The following CLEC2L variants were observed in gnomAD, a reference collection of about 807,000 sequenced individuals.
CLEC2L encodes C-type lectin domain family 2 member L.
Under a neutral mutation model 23.6 loss-of-function variants are expected in CLEC2L, and 14 were observed. That is an observed-to-expected ratio of 0.59 (90% CI 0.39 to 0.93). The LOEUF is 0.93. Ranked by LOEUF, CLEC2L falls within the 40% of genes least tolerant of loss-of-function variation. The pLI, the probability that CLEC2L is intolerant of heterozygous loss-of-function variation, is 0.00. For missense variants in CLEC2L, 264 were observed against 282.4 expected, an observed-to-expected ratio of 0.93 and a Z score of 0.47; for synonymous variants, 114 against 121.3, an observed-to-expected ratio of 0.94 and a Z score of 0.40.
At chr7:139,538,038 A>T (rs568335030) in intron 2 of CLEC2L, among the ~76,000 whole-genome samples, 1 of 152,220 alleles carries the variant, frequency 6.6e-6, no homozygotes, top group Non-Finnish European at 1.5e-5. Context: ...CCAGAGGTGG[A>T]ATCCACAAAA....
chr7:139,542,095 C>T lies in CLEC2L; in HGVS notation c.507C>T (p.Val169=), dbSNP rs1187233767. Residue 169 remains valine (V), a synonymous_variant, in exon 4 of 5, where the codon GTC becomes GTT. Coordinates refer to ENST00000422142, the MANE Select transcript of CLEC2L (RefSeq NM_001080511.4). ...GAGTTGGGGACGAATTCCACTGGGT[C>T]AACGGGGACCCGTTTGATCCGGACA... ...LRRVGDEFHW[V]NGDPFDPDTF... is the part of the protein sequence containing the mutation. 6.2e-7 allele frequency: 1 copy of T among 1,612,246 alleles called. No individual in the cohort carries two copies. The highest frequency in any genetic ancestry group is 8.5e-7 in the Non-Finnish European group (1 of 1,179,182).
Position 139,539,005 on chromosome 7 carries a change from A to G in CLEC2L, c.266-1316A>G, listed in dbSNP as rs967141397. 6.6e-6 allele frequency: 1 copy of G among 152,222 alleles called. No homozygotes were observed. Among genetic ancestry groups the G allele is most frequent in the Non-Finnish European group, 1.5e-5 (1 of 68,038 alleles). The allele number at this position is 152,222 out of a possible 1,614,324, so 9.4% of individuals were successfully genotyped here. ...GGTCAGTACTCCCAGGTGGACTTGC[A>G]TCTCATTGAACAGATATATATGCCA... On this transcript the variant is annotated intron_variant, in intron 2 of 4. Transcript: ENST00000422142. This position sits in a 1 kb window ranked among gnomAD's most constrained non-coding sequence, Gnocchi z 4.1.
At chr7:139,533,817 TAC>T (rs773776334) in intron 1 of CLEC2L, among the ~76,000 whole-genome samples, 2 of 152,246 alleles carry the variant, frequency 1.3e-5, no homozygotes, top group African/African-American at 2.4e-5. Flanking sequence ...GGGTAATTGC[TAC>T]AGATTCTTCC....
At chr7:139,537,991 G>A (rs879904445) in intron 2 of CLEC2L, among the ~76,000 whole-genome samples, 5 of 152,222 alleles carry the variant, frequency 3.3e-5, no homozygotes, top group African/African-American at 1.2e-4. Context: ...AATGATTTTA[G>A]TGCCTCTGTC....
At chr7:139,537,209 A>G (rs1797671873) in intron 2 of CLEC2L, among the ~76,000 whole-genome samples, 1 of 152,184 alleles carries the variant, frequency 6.6e-6, no homozygotes, top group South Asian at 2.1e-4. Context: ...TCCAGAGATT[A>G]GGAGGTAGAG....
chr7:139,524,834 G>A (rs1024938928), intron 1 of CLEC2L, among the ~76,000 whole-genome samples: 1 of 152,180 alleles, frequency 6.6e-6, no homozygotes, highest in East Asian at 1.9e-4. Context: ...GCTTCTCAGG[G>A]TGCTCCTGGC....
intron 1 of CLEC2L, among the ~76,000 whole-genome samples, chr7:139,534,815 T>C (rs1473938650): frequency 6.6e-6 from 1 of 152,070 alleles, no homozygotes; most frequent in Non-Finnish European, 1.5e-5. Context: ...CCTCAATTAA[T>C]GTTGGTTCCA....
At chr7:139,534,100 A>T (rs1797618739) in intron 1 of CLEC2L, 4 of 608,010 alleles carry the variant, frequency 6.6e-6, no homozygotes, top group Non-Finnish European at 1.2e-5. Flanking sequence ...TGGTGAGAGG[A>T]TGTGGAGAAA....
chr7:139,541,762 C>G (rs910594296), intron 3 of CLEC2L, among the ~76,000 whole-genome samples: 2 of 152,226 alleles, frequency 1.3e-5, no homozygotes, highest in Non-Finnish European at 2.9e-5. Context: ...CATGCACACA[C>G]AGCCAGGGTC....
Position 139,542,135 on chromosome 7 carries a change from T to C in CLEC2L, c.533+14T>C. The C allele has an allele frequency of 6.3e-7, 1 of 1,583,038 alleles. No individual in the cohort carries two copies. Among genetic ancestry groups the C allele is most frequent in the South Asian group, 1.1e-5 (1 of 87,778 alleles). On this transcript the variant is annotated intron_variant, in intron 4 of 4. Coordinates refer to ENST00000422142, the MANE Select transcript of CLEC2L (RefSeq NM_001080511.4). The stretch of plus-strand genomic sequence containing the variant: ...TGATCCGGACACGTGAGCTGAGGCT[T>C]CATCTTCTGGCTACCGAGCTTAGAC...
intron 1 of CLEC2L, among the ~76,000 whole-genome samples, chr7:139,524,763 G>A (rs1397362660): frequency 3.3e-5 from 5 of 152,170 alleles, no homozygotes; most frequent in South Asian, 2.1e-4. Context: ...ATTAGCTACC[G>A]CCGGCGGCGT....
At chr7:139,524,322 C>G (rs988217285) in intron 1 of CLEC2L, among the ~76,000 whole-genome samples, 1 of 152,168 alleles carries the variant, frequency 6.6e-6, no homozygotes, top group African/African-American at 2.4e-5. Flanking sequence ...GGGGCCACCG[C>G]GAGTCACAGC....
intron 2 of CLEC2L, 101 bp downstream of exon 2, chr7:139,536,449 C>A: frequency 1.0e-6 from 1 of 980,052 alleles, no homozygotes; most frequent in South Asian, 1.5e-5. Flanking sequence ...TCCAAGAATC[C>A]TGTGGGGGAC....
Position 139,540,311 on chromosome 7 carries a change from T to C in CLEC2L, c.266-10T>C. On this transcript the variant is annotated splice_polypyrimidine_tract_variant and intron_variant, in intron 2 of 4. Coordinates refer to ENST00000422142, the MANE Select transcript of CLEC2L (RefSeq NM_001080511.4). This position sits in a 1 kb window ranked among gnomAD's most constrained non-coding sequence, Gnocchi z 5.8. ...GGGCGGGCAGGGCCGAGCTGGTCTC[T>C]TCCCTGCAGCTTCCAAGGGCTGCAT... 3.7e-6 allele frequency: 6 copies of C among 1,602,050 alleles called. No individual in the cohort carries two copies. The highest frequency in any genetic ancestry group is 5.1e-6 in the Non-Finnish European group (6 of 1,174,736).
At chr7:139,531,900 A>G (rs1243138284) in intron 1 of CLEC2L, among the ~76,000 whole-genome samples, 3 of 150,586 alleles carry the variant, frequency 2.0e-5, no homozygotes, top group African/African-American at 4.9e-5. Flanking sequence ...ACAGAGCAAG[A>G]CTCTGTCTCA....
In CLEC2L at chr7:139,540,329, G is replaced by A. The variant is rs2116325111; in HGVS notation, c.274G>A (p.Gly92Ser). The change falls in exon 3 of 5, where the codon GGC becomes AGC. Residue 92 changes from glycine (G) to serine (S), a missense_variant. Coordinates refer to ENST00000422142, the MANE Select transcript of CLEC2L (RefSeq NM_001080511.4). The surrounding 1 kb of genome is among the most constrained non-coding windows in gnomAD (Gnocchi z 5.8). ...TGGTCTCTTCCCTGCAGCTTCCAAG[G>A]GCTGCATCAAGTGCGAAGCGCCCTG... ...LVVMSILASK[G>S]CIKCEAPCPE... 6.2e-7 allele frequency: 1 copy of A among 1,609,526 alleles called. No homozygotes were observed. Among genetic ancestry groups the A allele is most frequent in the East Asian group, 2.2e-5 (1 of 44,790 alleles).
rs1180916537 is a variant in CLEC2L, at chr7:139,539,645, G to GGCTGGAGA, written c.266-674_266-673insTGGAGAGC. On this transcript the variant is annotated intron_variant, in intron 2 of 4. Coordinates refer to ENST00000422142, the MANE Select transcript of CLEC2L (RefSeq NM_001080511.4). This position sits in a 1 kb window ranked among gnomAD's most constrained non-coding sequence, Gnocchi z 4.1. ...TAACATGGGGACATTGCAGCGAGCA[G>GGCTGGAGA]GCAGGATGGAGAGCAACCCTTGTCA... The GGCTGGAGA allele has an allele frequency of 1.3e-5, 2 of 152,852 alleles. No homozygotes were observed. Among genetic ancestry groups the GGCTGGAGA allele is most frequent in the Non-Finnish European group, 2.9e-5 (2 of 68,554 alleles). 9.5% of individuals were successfully genotyped at this position (152,852 alleles called of 1,614,324 possible).
intron 1 of CLEC2L, among the ~76,000 whole-genome samples, chr7:139,532,776 G>A (rs1797598666): frequency 6.6e-6 from 1 of 152,178 alleles, no homozygotes; most frequent in African/African-American, 2.4e-5. Flanking sequence ...CAGCAAGCCA[G>A]GAAGTGGGCC....
At chr7:139,537,635 G>A (rs1275719735) in intron 2 of CLEC2L, among the ~76,000 whole-genome samples, 1 of 152,206 alleles carries the variant, frequency 6.6e-6, no homozygotes, top group Non-Finnish European at 1.5e-5. Flanking sequence ...GAGGGATGGG[G>A]AGTAGGGCAG....
Sources: allele counts gnomAD v4.1 joint callset (sites outside exome capture counted in the v4.1 genomes callset), GRCh38; gene constraint gnomAD v4.1.1; non-coding constraint Gnocchi (gnomAD v3.1); transcripts MANE v1.5; gene names NCBI Gene and HGNC (gene_info 2026-07-23, HGNC 2026-07-21).